The following TCF4 variants were observed in gnomAD, a reference collection of about 807,000 sequenced individuals.
The protein encoded by TCF4 is transcription factor 4, also known as SL3-3 enhancer factor 2.
A neutral mutation model predicts 82.1 loss-of-function variants in TCF4; 3 were observed. The ratio of observed to expected loss-of-function variants is 0.04; its 90% CI spans 0.02 to 0.09. TCF4 has a LOEUF of 0.09. TCF4 is among the 10% of genes least tolerant of loss of function. The pLI, the probability that TCF4 is intolerant of heterozygous loss-of-function variation, is 1.00. For missense variants in TCF4, 518 were observed against 852.7 expected, an observed-to-expected ratio of 0.61 and a Z score of 4.89; for synonymous variants, 276 against 309.6, an observed-to-expected ratio of 0.89 and a Z score of 1.14.
chr18:55,348,733 C>T (rs2081716290), intron 8 of TCF4, among the ~76,000 whole-genome samples: 1 of 152,146 alleles, frequency 6.6e-6, no homozygotes, highest in South Asian at 2.1e-4. Flanking sequence ...TAGAAATTGT[C>T]TAGATTTCTG....
chr18:55,253,065 C>T (rs905685890), intron 15 of TCF4, among the ~76,000 whole-genome samples: 4 of 152,128 alleles, frequency 2.6e-5, no homozygotes, highest in African/African-American at 9.7e-5. Flanking sequence ...AAAGATTTCT[C>T]TTTGGCATTC....
At position 55,232,667 on chromosome 18, in the gene TCF4, C is replaced by T. The variant is rs2048225431; in HGVS notation, c.1491G>A (p.Met497Ile). 1 of 1,614,152 alleles carries T rather than the reference C, an allele frequency of 6.2e-7. No homozygotes were observed. Among genetic ancestry groups the T allele is most frequent in the Non-Finnish European group, 8.5e-7 (1 of 1,180,024 alleles). ...CACTCTGCCCCTGTAGTCCTGGTGG[C>T]ATGCCTGCCGAAAAAGAGAAATCAG... ...LNPPQDPYRG[M>I]PPGLQGQSVS... Residue 497 changes from methionine (M) to isoleucine (I), a missense_variant, in exon 17 of 20, where the codon ATG becomes ATA. Met to Ile is a conservative substitution (Grantham distance 10). Coordinates refer to ENST00000354452, the MANE Select transcript of TCF4 (RefSeq NM_001083962.2).
chr18:55,399,386 G>A (rs1347532167), intron 6 of TCF4, among the ~76,000 whole-genome samples: 12 of 152,120 alleles, frequency 7.9e-5, no homozygotes, highest in Non-Finnish European at 1.8e-4. Flanking sequence ...AATTCCATTA[G>A]TCATTTTAAG....
intron 5 of TCF4, chr18:55,422,585 C>T: frequency 2.1e-6 from 1 of 483,438 alleles, no homozygotes; most frequent in Non-Finnish European, 2.7e-6. Context: ...GAGTTAAAGA[C>T]TCCCTACCAT....
At chr18:55,356,597 C>T (rs1438718668) in intron 6 of TCF4, among the ~76,000 whole-genome samples, 1 of 152,046 alleles carries the variant, frequency 6.6e-6, no homozygotes, top group Non-Finnish European at 1.5e-5. Flanking sequence ...GTGTTATATG[C>T]GATAGAATTT....
chr18:55,589,901 C>G, upstream of TCF4: 2 of 942,116 alleles, frequency 2.1e-6, no homozygotes, highest in Non-Finnish European at 2.5e-6. Flanking sequence ...AACAGAGCGC[C>G]TAGAGAGGCG....
At chr18:55,511,387 C>T (rs1253005754) in intron 3 of TCF4, among the ~76,000 whole-genome samples, 1 of 145,120 alleles carries the variant, frequency 6.9e-6, no homozygotes, top group African/African-American at 2.5e-5. Flanking sequence ...AAATACTTAC[C>T]TCTACTATTT....
chr18:55,465,049 G>A, intron 3 of TCF4, among the ~76,000 whole-genome samples: 1 of 152,156 alleles, frequency 6.6e-6, no homozygotes, highest in East Asian at 1.9e-4. Flanking sequence ...AGAAATGGCT[G>A]TGAGATTTTT....
intron 3 of TCF4, among the ~76,000 whole-genome samples, chr18:55,575,468 T>A (rs1377436900): frequency 6.6e-6 from 1 of 152,226 alleles, no homozygotes; most frequent in African/African-American, 2.4e-5. Context: ...GCAAAATATT[T>A]CCAATATAAA....
chr18:55,222,469 C>T lies in TCF4; in HGVS notation c.*5566G>A, dbSNP rs2144199789. On this transcript the variant is annotated 3_prime_UTR_variant, in exon 20 of 20. Coordinates refer to ENST00000354452, the MANE Select transcript of TCF4 (RefSeq NM_001083962.2). ...TAAAATTTAAATATCTGCAAACAGT[C>T]CAACCAAAAACGAAAAAAAAAAAAA... 1 of 147,444 alleles carries T rather than the reference C, an allele frequency of 6.8e-6. No homozygotes were observed. Among genetic ancestry groups the T allele is most frequent in the Non-Finnish European group, 1.5e-5 (1 of 65,924 alleles). 9.1% of individuals were successfully genotyped at this position (147,444 alleles called of 1,614,324 possible).
intron 15 of TCF4, among the ~76,000 whole-genome samples, chr18:55,250,022 G>A (rs751649489): frequency 1.3e-5 from 2 of 152,150 alleles, no homozygotes; most frequent in Non-Finnish European, 1.5e-5. Flanking sequence ...TAATCATGGA[G>A]GTCTCTGAGG....
chr18:55,627,593 C>T (rs1194764268), intron 2 of TCF4, among the ~76,000 whole-genome samples: 7 of 151,598 alleles, frequency 4.6e-5, no homozygotes, highest in African/African-American at 9.7e-5. Flanking sequence ...GTGAAACCCC[C>T]GTCTTTACTG....
intron 1 of TCF4, among the ~76,000 whole-genome samples, chr18:55,634,335 T>G (rs2097734244): frequency 6.6e-6 from 1 of 152,176 alleles, no homozygotes; most frequent in African/African-American, 2.4e-5. Flanking sequence ...TATTAGCTAT[T>G]AATGTCTCTG....
At chr18:55,267,236 C>T (rs2059386920) in intron 11 of TCF4, 1 of 152,128 alleles carries the variant, frequency 6.6e-6, no homozygotes, top group South Asian at 2.1e-4. Flanking sequence ...ATTTAATTAG[C>T]TCTGTTTGTT....
intron 5 of TCF4, among the ~76,000 whole-genome samples, chr18:55,430,297 A>T (rs903161693): frequency 1.3e-5 from 2 of 152,182 alleles, no homozygotes; most frequent in African/African-American, 4.8e-5. Context: ...ACAGGAAAGG[A>T]CCCTGAGTAA....
chr18:55,325,872 T>C (rs2076470914), intron 8 of TCF4, among the ~76,000 whole-genome samples: 1 of 152,206 alleles, frequency 6.6e-6, no homozygotes, highest in Admixed American at 6.5e-5. Context: ...AGCCAGCCTA[T>C]AAATTAAATA....
chr18:55,460,036 G>A (rs1279225749), intron 5 of TCF4, among the ~76,000 whole-genome samples: 2 of 152,122 alleles, frequency 1.3e-5, no homozygotes, highest in Non-Finnish European at 2.9e-5. Context: ...TGAAGTAACT[G>A]GTATAGCTTC....
intron 8 of TCF4, chr18:55,322,380 G>GCT (rs2075798188): frequency 1.0e-6 from 1 of 980,404 alleles, no homozygotes; most frequent in African/African-American, 1.9e-5. Flanking sequence ...GTACGCAGCT[G>GCT]CCTGAGAACT....
intron 3 of TCF4, among the ~76,000 whole-genome samples, chr18:55,493,808 G>T (rs2058822810): frequency 6.6e-6 from 1 of 152,076 alleles, no homozygotes. Flanking sequence ...CTTGCCTTCA[G>T]TTTTTGTAGT....
Sources: gnomAD v4.1 joint callset for allele counts (sites outside exome capture counted in the v4.1 genomes callset) on GRCh38, gnomAD v4.1.1 for gene constraint, MANE v1.5 for transcripts, NCBI Gene and HGNC (gene_info 2026-07-23, HGNC 2026-07-21) for gene names.